AP2B1: variants seen among roughly 807,000 people sequenced by gnomAD.
AP2B1 encodes the protein AP-2 complex subunit beta.
AP2B1 carries 23 observed loss-of-function variants against 102.0 expected under a neutral mutation model. The observed-to-expected ratio is 0.23, with a 90% CI of 0.16 to 0.32. The LOEUF (loss-of-function observed/expected upper bound fraction) is 0.32. Ranked by LOEUF, AP2B1 falls within the 10% of genes least tolerant of loss-of-function variation. The pLI, the probability that AP2B1 is intolerant of heterozygous loss-of-function variation, is 1.00. For synonymous variants in AP2B1, 381 were observed against 421.2 expected, an observed-to-expected ratio of 0.90 and a Z score of 1.17; for missense variants, 541 against 1,157.4, an observed-to-expected ratio of 0.47 and a Z score of 7.73.
At chr17:35,638,199 A>T (rs938035592) in intron 10 of AP2B1, among the ~76,000 whole-genome samples, 2 of 152,122 alleles carry the variant, frequency 1.3e-5, no homozygotes, top group Admixed American at 1.3e-4. Context: ...AAATGTATCC[A>T]TTTCTGGTTT....
chr17:35,663,803 A>C (rs180977650), intron 14 of AP2B1, among the ~76,000 whole-genome samples: 14 of 152,318 alleles, frequency 9.2e-5, no homozygotes, highest in Admixed American at 7.8e-4. Flanking sequence ...CCCTGAGTAT[A>C]TGAGTTTGGG....
chr17:35,717,340 C>G lies in AP2B1; in HGVS notation c.2772C>G (p.Pro924=). Residue 924 remains proline (P), a synonymous_variant, in exon 21 of 22, where the codon CCC becomes CCG. Coordinates refer to ENST00000610402, the MANE Select transcript of AP2B1 (RefSeq NM_001030006.2). ...LAELRIQPGN[P]NYTLSLKCRA... is the part of the protein sequence containing the mutation. Reference sequence around the variant, plus strand: ...AACTACGTATCCAGCCAGGAAACCCCAATTACACGGTAAGGCCTTTCTCAG... The same window carrying G: ...AACTACGTATCCAGCCAGGAAACCCGAATTACACGGTAAGGCCTTTCTCAG... The G allele has an allele frequency of 6.2e-7, 1 of 1,614,084 alleles. No individual in the cohort carries two copies. The highest frequency in any genetic ancestry group is 8.5e-7 in the Non-Finnish European group (1 of 1,179,978).
intron 1 of AP2B1, among the ~76,000 whole-genome samples, chr17:35,593,429 A>C (rs2142294415): frequency 8.3e-6 from 1 of 120,424 alleles, no homozygotes; most frequent in South Asian, 3.0e-4. Flanking sequence ...CACCTACTAA[A>C]TACCCACAAA....
rs915871039 is a variant in AP2B1 at position 35,599,520 on chromosome 17, G to T, written c.143+1185G>T. 1.1e-4 allele frequency among the ~76,000 whole-genome samples: 17 copies of T among 152,218 alleles called. 1 individual carries two copies. Among genetic ancestry groups the T allele is most frequent in the African/African-American group, 4.1e-4 (17 of 41,454 alleles). ...TATTTGCTGTTTTATAATGAAATGT[G>T]TCAGCATAGCTCAGTGAACCAATAT... On this transcript the variant is annotated intron_variant, in intron 3 of 21. Transcript: ENST00000610402.
rs115388309 is a variant in AP2B1, at chr17:35,667,896, C to T, written c.1990-2961C>T. 8.0e-3 allele frequency among the ~76,000 whole-genome samples: 1,198 copies of T among 149,822 alleles called. 17 individuals are homozygous for T. Among genetic ancestry groups the T allele is most frequent in the African/African-American group, 0.027 (1,115 of 40,652 alleles). On this transcript the variant is annotated intron_variant, in intron 14 of 21. Transcript: ENST00000610402. ...GTATCAGGACAAATGAAACATTTTT[C>T]GTAGGATCCTTTCCATGGGTTTTCC...
intron 3 of AP2B1, among the ~76,000 whole-genome samples, chr17:35,599,575 C>T (rs939202134): frequency 6.6e-5 from 10 of 152,072 alleles, no homozygotes; most frequent in African/African-American, 2.4e-4. Flanking sequence ...ATATGTATAT[C>T]ACAAAATTAT....
chr17:35,721,497 A>C (rs2085391998), intron 21 of AP2B1, among the ~76,000 whole-genome samples: 1 of 152,148 alleles, frequency 6.6e-6, no homozygotes, highest in Non-Finnish European at 1.5e-5. Flanking sequence ...AATAAACTTG[A>C]CACTTTGTCA....
chr17:35,643,179 T>TA (rs200853815), intron 12 of AP2B1, among the ~76,000 whole-genome samples: 4,409 of 144,622 alleles, frequency 0.03, 139 homozygotes, highest in East Asian at 0.19. Flanking sequence ...GCTGATGAGC[T>TA]AAAAAAAAAA....
At chr17:35,621,083 ACT>A in intron 5 of AP2B1, among the ~76,000 whole-genome samples, 1 of 152,192 alleles carries the variant, frequency 6.6e-6, no homozygotes, top group East Asian at 1.9e-4. Context: ...TCTAGAGAAG[ACT>A]CTGGAGGAAG....
chr17:35,588,066 CTT>C (rs11312845), intron 1 of AP2B1, among the ~76,000 whole-genome samples: 1,887 of 144,788 alleles, frequency 0.013, 21 homozygotes, highest in African/African-American at 0.027. Flanking sequence ...AACCCAGCAT[CTT>C]TTTTTTTTTT....
intron 18 of AP2B1, among the ~76,000 whole-genome samples, chr17:35,708,501 C>T (rs1188919507): frequency 2.0e-5 from 3 of 151,252 alleles, no homozygotes; most frequent in Non-Finnish European, 2.9e-5. Flanking sequence ...GAATCATAGT[C>T]GAGAAGTTTG....
intron 5 of AP2B1, among the ~76,000 whole-genome samples, chr17:35,611,252 A>G (rs940511413): frequency 6.6e-6 from 1 of 152,208 alleles, no homozygotes; most frequent in African/African-American, 2.4e-5. Flanking sequence ...GCAACCGTCA[A>G]CCAGGTGGGC....
chr17:35,709,277 C>T lies in AP2B1; in HGVS notation c.2508C>T (p.Leu836=). 1 of 1,614,134 alleles carries T rather than the reference C, an allele frequency of 6.2e-7. No individual in the cohort carries two copies. The highest frequency in any genetic ancestry group is 8.5e-7 in the Non-Finnish European group (1 of 1,180,014). ...TCTACTTCAGCTGCCTCATCCCACT[C>T]AATGTGCTTTTTGTAGAAGATGGCA... ...DVFYFSCLIP[L]NVLFVEDGKM... The change falls in exon 19 of 22, where the codon CTC becomes CTT. Residue 836 remains leucine (L), a synonymous_variant. Transcript: ENST00000610402.
intron 10 of AP2B1, among the ~76,000 whole-genome samples, chr17:35,637,658 C>G (rs1252507837): frequency 6.6e-6 from 1 of 150,922 alleles, no homozygotes; most frequent in Non-Finnish European, 1.5e-5. Context: ...ACTTTTACTA[C>G]TCTCCCAATA....
At chr17:35,660,481 CTTT>C (rs71366472) in intron 14 of AP2B1, among the ~76,000 whole-genome samples, 9 of 127,732 alleles carry the variant, frequency 7.0e-5, no homozygotes, top group Non-Finnish European at 8.2e-5. Context: ...TTTTCTCTCT[CTTT>C]TTTTTTTTTT....
chr17:35,645,182 C>T lies in AP2B1; in HGVS notation c.1536+3207C>T, dbSNP rs901075017. Among the ~76,000 whole-genome samples the T allele has an allele frequency of 3.9e-5, 6 of 152,116 alleles. No homozygotes were observed. The South Asian group carries it at 6.2e-4, about 16-fold the overall frequency. ...ATTTAAGTTTAGGATGCAATGTGGT[C>T]GGCTGAATTGTGTTAACTTAAATTG... On this transcript the variant is annotated intron_variant, in intron 12 of 21. Transcript: ENST00000610402.
rs116826875 is a variant in AP2B1, at chr17:35,593,033, C to G, written c.-23-975C>G. The stretch of plus-strand genomic sequence containing the variant: ...GAAGAGTTAAGGTTGAGGTTGAGAT[C>G]CACGTTCTTTTGTTTCAACACCAGT... On this transcript the variant is annotated intron_variant, in intron 1 of 21. Coordinates refer to ENST00000610402, the MANE Select transcript of AP2B1 (RefSeq NM_001030006.2). Among the ~76,000 whole-genome samples the G allele has an allele frequency of 1.3e-5, 2 of 152,210 alleles. 1 individual carries two copies. The highest frequency in any genetic ancestry group is 4.8e-5 in the African/African-American group (2 of 41,530).
intron 9 of AP2B1, among the ~76,000 whole-genome samples, chr17:35,632,202 T>A (rs2074482467): frequency 1.3e-5 from 2 of 151,998 alleles, no homozygotes; most frequent in African/African-American, 2.4e-5. Flanking sequence ...TGGCGCAATC[T>A]CAGCTCACTG....
intron 17 of AP2B1, among the ~76,000 whole-genome samples, chr17:35,677,439 ATTTAGTT>A (rs1471716877): frequency 1.3e-5 from 2 of 152,102 alleles, no homozygotes; most frequent in Admixed American, 1.3e-4. Context: ...TTGTTCCTAC[ATTTAGTT>A]TTATAATTCA....
Sources: gnomAD v4.1 joint callset for allele counts (sites outside exome capture counted in the v4.1 genomes callset) on GRCh38, gnomAD v4.1.1 for gene constraint, MANE v1.5 for transcripts, NCBI Gene and HGNC (gene_info 2026-07-23, HGNC 2026-07-21) for gene names.